ATP7B: variants seen among roughly 807,000 people sequenced by gnomAD.
ATP7B encodes the protein copper-transporting ATPase 2.
A neutral mutation model predicts 118.9 loss-of-function variants in ATP7B; 113 were observed. The ratio of observed to expected loss-of-function variants is 0.95; its 90% CI spans 0.82 to 1.11. The LOEUF (loss-of-function observed/expected upper bound fraction) is 1.11, where lower values mean the gene tolerates loss of function less well. Among genes scored for constraint, ATP7B ranks in the 50% most tolerant of loss-of-function variants. ATP7B has a pLI of 0.00. For missense variants in ATP7B, 1,867 were observed against 1,871.4 expected, an observed-to-expected ratio of 1.00 and a Z score of 0.04; for synonymous variants, 777 against 727.4, an observed-to-expected ratio of 1.07 and a Z score of -1.10.
chr13:51,999,340 T>G (rs1328853713), intron 1 of ATP7B, among the ~76,000 whole-genome samples: 1 of 152,166 alleles, frequency 6.6e-6, no homozygotes, highest in Non-Finnish European at 1.5e-5. Flanking sequence ...CCTCCCCATA[T>G]CGCTGCTGAT....
chr13:51,941,742 G>A, intron 15 of ATP7B, among the ~76,000 whole-genome samples: 1 of 152,146 alleles, frequency 6.6e-6, no homozygotes, highest in East Asian at 1.9e-4. Flanking sequence ...TCACTGAACG[G>A]CCAGGCTCTG....
chr13:51,955,888 G>T (rs1221795709), intron 9 of ATP7B, among the ~76,000 whole-genome samples: 1 of 152,206 alleles, frequency 6.6e-6, no homozygotes, highest in African/African-American at 2.4e-5. Flanking sequence ...TGGGGGCAGC[G>T]CAGCACAGTG....
intron 1 of ATP7B, among the ~76,000 whole-genome samples, chr13:52,008,126 G>A (rs1220439592): frequency 6.6e-6 from 1 of 152,008 alleles, no homozygotes; most frequent in Non-Finnish European, 1.5e-5. Context: ...CGGATCACGA[G>A]ATCAAGAGAT....
chr13:51,934,493 G>T lies in ATP7B; in HGVS notation c.*263C>A. On this transcript the variant is annotated 3_prime_UTR_variant, in exon 21 of 21. Coordinates refer to ENST00000242839, the MANE Select transcript of ATP7B (RefSeq NM_000053.4). Reference sequence around the variant, plus strand: ...GGTGACTCGCCTCTCACCTTCTACAGTCCAGCCAAGGACTAGAGTCCAAGA... The same window carrying T: ...GGTGACTCGCCTCTCACCTTCTACATTCCAGCCAAGGACTAGAGTCCAAGA... 1.8e-6 allele frequency: 1 copy of T among 546,416 alleles called. No homozygotes were observed. The highest frequency in any genetic ancestry group is 3.3e-6 in the Non-Finnish European group (1 of 303,608). 33.8% of individuals were successfully genotyped at this position (546,416 alleles called of 1,614,324 possible).
At chr13:51,939,993 A>G (rs1255334495) in intron 16 of ATP7B, among the ~76,000 whole-genome samples, 1 of 144,542 alleles carries the variant, frequency 6.9e-6, no homozygotes, top group Admixed American at 7.1e-5. Flanking sequence ...ACTAAAACAC[A>G]TGCAGTCTTT....
At position 52,011,307 on chromosome 13, in the gene ATP7B, T is replaced by A; in HGVS notation, c.31A>T (p.Arg11Ter). 6.2e-7 allele frequency: 1 copy of A among 1,614,216 alleles called. No homozygotes were observed. Among genetic ancestry groups the A allele is most frequent in the Non-Finnish European group, 8.5e-7 (1 of 1,180,014 alleles). MPEQERQITAREGASRKILSK... is the reference protein window; with the variant it reads MPEQERQITA ...CTCACTTTCCGACTGGCCCCTTCTC[T>A]GGCTGTGATCTGTCTCTCCTGCTCA... Residue 11 changes from arginine (R) to a stop codon, truncating the protein, a stop_gained, in exon 1 of 21, where the codon AGA (arginine) becomes TGA (stop). Transcript: ENST00000242839. LOFTEE classifies it high-confidence loss of function.
intron 6 of ATP7B, among the ~76,000 whole-genome samples, chr13:51,961,466 G>T (rs1958737026): frequency 6.7e-6 from 1 of 148,750 alleles, no homozygotes. Flanking sequence ...ATTGTCAAAG[G>T]AAAAAAAATC....
At chr13:51,950,609 A>AAGGCCCT (rs1244887981) in intron 9 of ATP7B, among the ~76,000 whole-genome samples, 9 of 152,226 alleles carry the variant, frequency 5.9e-5, no homozygotes, top group Non-Finnish European at 2.9e-5. Context: ...TGGCACAGCA[A>AAGGCCCT]AGGCCCTACT....
At chr13:51,969,929 G>A (rs1951757068) in intron 3 of ATP7B, among the ~76,000 whole-genome samples, 1 of 152,212 alleles carries the variant, frequency 6.6e-6, no homozygotes, top group East Asian at 1.9e-4. Flanking sequence ...GATTCTGGTG[G>A]CAAGGTAGAG....
At chr13:51,937,052 C>A (rs1368103001) in intron 19 of ATP7B, among the ~76,000 whole-genome samples, 1 of 151,998 alleles carries the variant, frequency 6.6e-6, no homozygotes, top group Admixed American at 6.5e-5. Flanking sequence ...AGCATCTCCA[C>A]TAGCTTTTTA....
At chr13:51,985,253 G>T (rs751256450) in intron 1 of ATP7B, among the ~76,000 whole-genome samples, 6 of 152,106 alleles carry the variant, frequency 3.9e-5, no homozygotes, top group Non-Finnish European at 7.4e-5. Context: ...GCAAAAAAAA[G>T]TCGGGGTTGG....
intron 3 of ATP7B, among the ~76,000 whole-genome samples, chr13:51,970,251 C>T (rs1951772851): frequency 6.6e-6 from 1 of 152,126 alleles, no homozygotes; most frequent in Admixed American, 6.6e-5. Context: ...GGTACTATGA[C>T]CTTTAAACTG....
At position 51,934,475 on chromosome 13, in the gene ATP7B, C is replaced by T. The variant is rs144358706; in HGVS notation, c.*281G>A. On this transcript the variant is annotated 3_prime_UTR_variant, in exon 21 of 21. Coordinates refer to ENST00000242839, the MANE Select transcript of ATP7B (RefSeq NM_000053.4). ...GCAGAGGTCTGTGAGGAGGGTGACT[C>T]GCCTCTCACCTTCTACAGTCCAGCC... 6 of 505,636 alleles carry T rather than the reference C, an allele frequency of 1.2e-5. No individual in the cohort carries two copies. The highest frequency in any genetic ancestry group is 1.2e-4 in the African/African-American group (6 of 51,932). The allele number at this position is 505,636 out of a possible 1,614,324, so 31.3% of individuals were successfully genotyped here.
chr13:51,957,925 T>A (rs886998706), intron 8 of ATP7B: 1 of 461,710 alleles, frequency 2.2e-6, no homozygotes, highest in Non-Finnish European at 4.0e-6. Context: ...TCCATTCTCT[T>A]GTAAGATACA....
intron 1 of ATP7B, among the ~76,000 whole-genome samples, chr13:51,976,001 AACCTGTTTTCTTAAC>A (rs1168447632): frequency 6.6e-6 from 1 of 152,254 alleles, no homozygotes; most frequent in Non-Finnish European, 1.5e-5. Context: ...TTAATTAAAG[AACCTGTTTTCTTAAC>A]ACAACACAGT....
At chr13:51,975,224 A>C in intron 1 of ATP7B, 56 bp from the exon 2 acceptor site, 2 of 1,588,546 alleles carry the variant, frequency 1.3e-6, no homozygotes, top group Admixed American at 1.7e-5. Context: ...TTTCTACAAC[A>C]TCCCAGCTTC....
intron 1 of ATP7B, among the ~76,000 whole-genome samples, chr13:52,005,309 A>G (rs1380278551): frequency 6.6e-6 from 1 of 152,168 alleles, no homozygotes; most frequent in African/African-American, 2.4e-5. Flanking sequence ...CTTATAAGCA[A>G]TCAAGAGAAG....
intron 1 of ATP7B, among the ~76,000 whole-genome samples, chr13:52,006,832 T>A (rs1465483839): frequency 6.6e-6 from 1 of 152,138 alleles, no homozygotes; most frequent in African/African-American, 2.4e-5. Flanking sequence ...GTGTGCCCAA[T>A]CAATGCCTGC....
At chr13:51,984,590 A>G (rs1204727643) in intron 1 of ATP7B, among the ~76,000 whole-genome samples, 2 of 152,172 alleles carry the variant, frequency 1.3e-5, no homozygotes, top group East Asian at 1.9e-4. Context: ...CCTCAAGAAG[A>G]GCAACCCCAA....
Sources: gnomAD v4.1 joint callset for allele counts (sites outside exome capture counted in the v4.1 genomes callset) on GRCh38, gnomAD v4.1.1 for gene constraint, MANE v1.5 for transcripts, NCBI Gene and HGNC (gene_info 2026-07-23, HGNC 2026-07-21) for gene names.